The following ATRNL1 variants were observed in gnomAD, a reference collection of about 807,000 sequenced individuals.
ATRNL1 encodes attractin like 1.
ATRNL1 carries 95 observed loss-of-function variants against 182.7 expected under a neutral mutation model. That is an observed-to-expected ratio of 0.52 (90% CI 0.44 to 0.62). The LOEUF (loss-of-function observed/expected upper bound fraction) is 0.62. Among genes scored for constraint, ATRNL1 ranks in the 20% least tolerant of loss-of-function variants. The pLI is 0.00. For synonymous variants in ATRNL1, 576 were observed against 568.3 expected (o/e 1.01, Z -0.19); for missense variants, 1,471 against 1,679.5 (o/e 0.88, Z 2.17).
chr10:115,899,590 G>C (rs1952300064), intron 28 of ATRNL1, among the ~76,000 whole-genome samples: 1 of 152,148 alleles, frequency 6.6e-6, no homozygotes, highest in African/African-American at 2.4e-5. Context: ...TTACAGGCCT[G>C]AACCACTGTG....
At chr10:115,300,269 C>T in intron 16 of ATRNL1, 22 bp downstream of exon 16, 1 of 1,584,096 alleles carries the variant, frequency 6.3e-7, no homozygotes, top group Non-Finnish European at 8.7e-7. Flanking sequence ...AGTAAATTAG[C>T]ATTCCTTTAA....
At chr10:115,148,512 C>T (rs953052497) in intron 5 of ATRNL1, among the ~76,000 whole-genome samples, 1 of 152,070 alleles carries the variant, frequency 6.6e-6, no homozygotes, top group African/African-American at 2.4e-5. Flanking sequence ...TCTTTGTCTT[C>T]CTCCAGTTCT....
chr10:115,725,842 A>G (rs1454894255), intron 26 of ATRNL1, among the ~76,000 whole-genome samples: 1 of 152,192 alleles, frequency 6.6e-6, no homozygotes, highest in East Asian at 1.9e-4. Flanking sequence ...TCTATTTGCC[A>G]GGAGCTGTAT....
intron 23 of ATRNL1, among the ~76,000 whole-genome samples, chr10:115,468,130 G>T (rs1360040254): frequency 2.0e-5 from 3 of 150,558 alleles, no homozygotes; most frequent in African/African-American, 7.3e-5. Flanking sequence ...TAGGCATTTT[G>T]TTACTATTAG....
At chr10:115,524,034 T>C (rs533586854) in intron 25 of ATRNL1, among the ~76,000 whole-genome samples, 74 of 152,236 alleles carry the variant, frequency 4.9e-4, no homozygotes, top group African/African-American at 1.7e-3. Flanking sequence ...CCATTCATGG[T>C]GGAAGAGGAA....
intron 18 of ATRNL1, among the ~76,000 whole-genome samples, chr10:115,324,725 T>C (rs2134042857): frequency 6.6e-6 from 1 of 152,346 alleles, no homozygotes; most frequent in Admixed American, 6.5e-5. Flanking sequence ...TCATAGATAG[T>C]GTCTCCAGTT....
At chr10:115,157,765 G>A (rs1564784645) in intron 5 of ATRNL1, among the ~76,000 whole-genome samples, 1 of 151,992 alleles carries the variant, frequency 6.6e-6, no homozygotes, top group Non-Finnish European at 1.5e-5. Context: ...TGCCATATAA[G>A]GTAAAATCCA....
intron 27 of ATRNL1, among the ~76,000 whole-genome samples, chr10:115,835,732 A>G (rs1310799609): frequency 6.6e-6 from 1 of 152,154 alleles, no homozygotes; most frequent in Non-Finnish European, 1.5e-5. Flanking sequence ...TGAGCCTCTC[A>G]TTTTCACAGC....
intron 6 of ATRNL1, 152 bp downstream of exon 6, chr10:115,160,366 A>G (rs531179409): frequency 8.6e-5 from 55 of 640,286 alleles, no homozygotes; most frequent in Non-Finnish European, 1.3e-4. Flanking sequence ...ACATGAACTC[A>G]GTATGTCCAT....
chr10:115,939,143 A>G (rs1398312533), intron 28 of ATRNL1, among the ~76,000 whole-genome samples: 10 of 152,240 alleles, frequency 6.6e-5, no homozygotes, highest in African/African-American at 2.4e-4. Flanking sequence ...TTATTTGTCA[A>G]TTAAAAATAA....
At chr10:115,642,117 A>T (rs1859291127) in intron 26 of ATRNL1, among the ~76,000 whole-genome samples, 1 of 152,154 alleles carries the variant, frequency 6.6e-6, no homozygotes, top group Non-Finnish European at 1.5e-5. Flanking sequence ...CAGCATAATA[A>T]CAAAAGTTTT....
chr10:115,448,282 C>T (rs1466405593), intron 21 of ATRNL1, among the ~76,000 whole-genome samples: 1 of 152,080 alleles, frequency 6.6e-6, no homozygotes. Context: ...CGAATATCAA[C>T]CACATAATTG....
rs187179049 is a variant in ATRNL1 at position 115,551,185 on chromosome 10, A to C, written c.3795+1649A>C. 1.8e-3 allele frequency among the ~76,000 whole-genome samples: 268 copies of C among 151,736 alleles called. 2 individuals are homozygous for C. Among genetic ancestry groups the C allele is most frequent in the African/African-American group, 6.2e-3 (258 of 41,526 alleles). On this transcript the variant is annotated intron_variant, in intron 26 of 28. Coordinates refer to ENST00000355044, the MANE Select transcript of ATRNL1 (RefSeq NM_207303.4). ...TAGAAATGATATTTAATATTTGTTA[A>C]AACTAATATGAATAGTTTAGCTATA... is the stretch of plus-strand genomic sequence containing the variant.
intron 27 of ATRNL1, among the ~76,000 whole-genome samples, chr10:115,794,245 T>C (rs1372996959): frequency 6.6e-6 from 1 of 152,164 alleles, no homozygotes; most frequent in Non-Finnish European, 1.5e-5. Context: ...ATAAAGAATT[T>C]TTTTCCTCAT....
At chr10:115,919,967 A>G (rs1430976593) in intron 28 of ATRNL1, among the ~76,000 whole-genome samples, 1 of 152,154 alleles carries the variant, frequency 6.6e-6, no homozygotes, top group African/African-American at 2.4e-5. Flanking sequence ...ATATCATCAC[A>G]TTGTGGGCTA....
chr10:115,183,427 T>G (rs1554888160), intron 8 of ATRNL1, among the ~76,000 whole-genome samples: 1 of 151,378 alleles, frequency 6.6e-6, no homozygotes, highest in Non-Finnish European at 1.5e-5. Context: ...CAGATTAATT[T>G]TTTTGAAAAA....
rs1451138286 is a variant in ATRNL1, at chr10:115,462,020, A to C, written c.3402A>C (p.Ile1134=). The change falls in exon 22 of 29, where the codon ATA becomes ATC. Residue 1134 remains isoleucine, a synonymous_variant. Coordinates refer to ENST00000355044, the MANE Select transcript of ATRNL1 (RefSeq NM_207303.4). ...DDRHHTAINF[I]ANPEQSNKNL... Reference sequence around the variant, plus strand: ...GCCACCATACTGCCATAAACTTTATAGCAAACCCAGAACAGGTGAGGAAAA... The same window carrying C: ...GCCACCATACTGCCATAAACTTTATCGCAAACCCAGAACAGGTGAGGAAAA... The C allele has an allele frequency of 6.2e-7, 1 of 1,607,778 alleles. No individual in the cohort carries two copies. The highest frequency in any genetic ancestry group is 8.5e-7 in the Non-Finnish European group (1 of 1,176,300).
At chr10:115,192,456 T>G (rs530992094) in intron 8 of ATRNL1, among the ~76,000 whole-genome samples, 1 of 152,096 alleles carries the variant, frequency 6.6e-6, no homozygotes, top group Non-Finnish European at 1.5e-5. Context: ...TTGGTCTATA[T>G]TTCTGTTTTT....
chr10:115,118,589 A>T (rs113658451), intron 1 of ATRNL1, among the ~76,000 whole-genome samples: 1,870 of 152,216 alleles, frequency 0.012, 31 homozygotes, highest in African/African-American at 0.042. Flanking sequence ...ATAGCAAGTC[A>T]TTATGTCCCA....
Sources: gnomAD v4.1 joint callset for allele counts (sites outside exome capture counted in the v4.1 genomes callset) on GRCh38, gnomAD v4.1.1 for gene constraint, MANE v1.5 for transcripts, NCBI Gene and HGNC (gene_info 2026-07-23, HGNC 2026-07-21) for gene names.